The following TARS3 variants were observed in gnomAD, a reference collection of about 807,000 sequenced individuals.
TARS3 encodes threonyl-tRNA synthetase 3.
In TARS3, 94 loss-of-function variants were observed where a neutral mutation model predicts 103.5. That is an observed-to-expected ratio of 0.91 (90% CI 0.77 to 1.08). The LOEUF is 1.08. Ranked by LOEUF, TARS3 falls within the 50% of genes least tolerant of loss-of-function variation. TARS3 has a pLI of 0.00. For synonymous variants in TARS3, 416 were observed against 355.4 expected (o/e 1.17, Z -1.92); for missense variants, 952 against 995.2 (o/e 0.96, Z 0.58).
In TARS3 at chr15:101,663,306, A is replaced by G. The variant is rs541191481; in HGVS notation, c.1968-1490T>C. Among the ~76,000 whole-genome samples the G allele has an allele frequency of 3.9e-5, 6 of 152,340 alleles. No homozygotes were observed. The South Asian group carries it at 1.0e-3, about 26-fold the overall frequency. ...GTCCTGCACCCAAGGAAGCTGAAAA[A>G]TTCCTATCATCTAGTGATCTGTGTT... On this transcript the variant is annotated intron_variant, in intron 15 of 18. Transcript: ENST00000335968.
At chr15:101,682,659 G>T (rs1898302136) in intron 12 of TARS3, among the ~76,000 whole-genome samples, 2 of 152,084 alleles carry the variant, frequency 1.3e-5, no homozygotes, top group South Asian at 2.1e-4. Context: ...GCTTCATGAG[G>T]TGGTGAAGAT....
chr15:101,681,494 G>T (rs1199589764), intron 12 of TARS3, among the ~76,000 whole-genome samples: 1 of 152,204 alleles, frequency 6.6e-6, no homozygotes, highest in Non-Finnish European at 1.5e-5. Flanking sequence ...GTGTATGTAT[G>T]TATTACTCAG....
intron 6 of TARS3, among the ~76,000 whole-genome samples, chr15:101,706,818 T>C (rs1899590362): frequency 1.3e-5 from 2 of 152,238 alleles, no homozygotes; most frequent in Middle Eastern, 3.2e-3. Context: ...GTTTCGTATC[T>C]ATATATTCAC....
At chr15:101,671,872 A>T in intron 13 of TARS3, 124 bp from the exon 14 acceptor site, 1 of 765,584 alleles carries the variant, frequency 1.3e-6, no homozygotes, top group East Asian at 2.7e-5. Context: ...TTTATTGAGC[A>T]TCTTTTACAT....
intron 15 of TARS3, 83 bp from the exon 16 acceptor site, chr15:101,661,899 G>T: frequency 1.2e-6 from 1 of 820,718 alleles, no homozygotes; most frequent in Non-Finnish European, 1.8e-6. Flanking sequence ...TTTGAGAATA[G>T]ATTTAGATTA....
chr15:101,696,524 AC>A (rs1898991272), intron 10 of TARS3, among the ~76,000 whole-genome samples: 2 of 152,336 alleles, frequency 1.3e-5, no homozygotes, highest in Non-Finnish European at 2.9e-5. Context: ...GCAGTTTTAA[AC>A]TATTAAGTTC....
At chr15:101,712,289 C>T (rs770560243) in intron 4 of TARS3, among the ~76,000 whole-genome samples, 1 of 152,098 alleles carries the variant, frequency 6.6e-6, no homozygotes, top group Non-Finnish European at 1.5e-5. Flanking sequence ...ATGTCAGCCA[C>T]GAGAGATGAA....
Position 101,724,287 on chromosome 15 carries a change from T to G in TARS3, c.101A>C (p.Asp34Ala). Residue 34 changes from aspartate (D) to alanine (A), a missense_variant, in exon 1 of 19, where the codon GAC (aspartate) becomes GCC (alanine). Transcript: ENST00000335968. ...GCTGTAGGGCGCGTTCAGCTGCTCG[T>G]CCCTCAGGCGCTCGACCTCCGACCA... ...WLWSEVERLR[D>A]EQLNAPYSCQ... 6.4e-7 allele frequency: 1 copy of G among 1,573,238 alleles called. No homozygotes were observed. Among genetic ancestry groups the G allele is most frequent in the East Asian group, 2.4e-5 (1 of 41,958 alleles).
intron 10 of TARS3, among the ~76,000 whole-genome samples, chr15:101,696,294 C>A (rs553215862): frequency 6.8e-6 from 1 of 147,718 alleles, no homozygotes; most frequent in African/African-American, 2.5e-5. Flanking sequence ...CAAAGTAGTT[C>A]TACCATTTTA....
At position 101,724,111 on chromosome 15, in the gene TARS3, C is replaced by T; in HGVS notation, c.277G>A (p.Ala93Thr). The T allele has an allele frequency of 7.2e-7, 1 of 1,380,694 alleles. No homozygotes were observed. The allele number at this position is 1,380,694 out of a possible 1,614,324, so 85.5% of individuals were successfully genotyped here. The change falls in exon 1 of 19, where the codon GCG becomes ACG. Residue 93 changes from alanine to threonine, a missense_variant. Ala to Thr is a moderately conservative substitution (Grantham distance 58, BLOSUM62 0). Transcript: ENST00000335968. ...ATLESAELEA[A>T]QEAGAQPPPS... Reference sequence around the variant, plus strand: ...GTTACCTGTGCGCCGGCCTCCTGCGCCGCCTCTAGCTCCGCGCTCTCCAGC... The same window carrying T: ...GTTACCTGTGCGCCGGCCTCCTGCGTCGCCTCTAGCTCCGCGCTCTCCAGC...
chr15:101,654,504 A>G lies in TARS3; in HGVS notation c.*78T>C, dbSNP rs774807602. 2 of 1,505,498 alleles carry G rather than the reference A, an allele frequency of 1.3e-6. No individual in the cohort carries two copies. The highest frequency in any genetic ancestry group is 2.1e-5 in the Admixed American group (1 of 47,930). The allele number at this position is 1,505,498 out of a possible 1,614,324, so 93.3% of individuals were successfully genotyped here. On this transcript the variant is annotated 3_prime_UTR_variant, in exon 19 of 19. Transcript: ENST00000335968. ...CCCATCAGTGGCTCCAAAGTCGTAG[A>G]AGTACTAACATGTTAAGAAAAATAC... is the stretch of plus-strand genomic sequence containing the variant.
intron 7 of TARS3, among the ~76,000 whole-genome samples, chr15:101,704,393 A>C (rs12443359): frequency 6.6e-6 from 1 of 151,998 alleles, no homozygotes; most frequent in East Asian, 1.9e-4. Flanking sequence ...GGTGGCTCAC[A>C]CCTGTAATCC....
chr15:101,675,935 T>C (rs1898005218), intron 12 of TARS3, among the ~76,000 whole-genome samples, 198 bp from the exon 13 acceptor site: 1 of 151,608 alleles, frequency 6.6e-6, no homozygotes, highest in Non-Finnish European at 1.5e-5. Flanking sequence ...GGAGAAGGAG[T>C]AGGCGAGGGA....
intron 3 of TARS3, among the ~76,000 whole-genome samples, chr15:101,718,793 T>C (rs778906211): frequency 2.4e-4 from 37 of 152,352 alleles, no homozygotes; most frequent in Non-Finnish European, 5.3e-4. Context: ...ATTACTTTCA[T>C]GTGGAACGGA....
chr15:101,690,593 A>G (rs1450111169), intron 10 of TARS3, among the ~76,000 whole-genome samples: 1 of 152,214 alleles, frequency 6.6e-6, no homozygotes, highest in Non-Finnish European at 1.5e-5. Flanking sequence ...CCAGTTTTCA[A>G]TGGTGAGGTA....
intron 6 of TARS3, among the ~76,000 whole-genome samples, chr15:101,706,019 A>G (rs1899541160): frequency 6.6e-6 from 1 of 152,176 alleles, no homozygotes; most frequent in African/African-American, 2.4e-5. Context: ...GCTAGGGTGC[A>G]GTGCCACCAT....
chr15:101,670,101 T>C (rs1393046307), intron 15 of TARS3, among the ~76,000 whole-genome samples: 2 of 152,204 alleles, frequency 1.3e-5, no homozygotes, highest in African/African-American at 4.8e-5. Context: ...TGGCCTGTAC[T>C]TAGGCAGAGC....
Position 101,654,540 on chromosome 15 carries a change from G to A in TARS3, c.*42C>T. 1 of 1,595,140 alleles carries A rather than the reference G, an allele frequency of 6.3e-7. No individual in the cohort carries two copies. Among genetic ancestry groups the A allele is most frequent in the Non-Finnish European group, 8.5e-7 (1 of 1,173,658 alleles). On this transcript the variant is annotated 3_prime_UTR_variant, in exon 19 of 19. Coordinates refer to ENST00000335968, the MANE Select transcript of TARS3 (RefSeq NM_152334.3). ...TGTTAAGAAAAATACATTTTTAAGGGTCAAAACAAAGTTACACAGAAGCAA... is the reference window on the plus strand; with the variant it reads ...TGTTAAGAAAAATACATTTTTAAGGATCAAAACAAAGTTACACAGAAGCAA...
At chr15:101,707,373 A>G (rs1392757580) in intron 6 of TARS3, among the ~76,000 whole-genome samples, 1 of 152,234 alleles carries the variant, frequency 6.6e-6, no homozygotes, top group Non-Finnish European at 1.5e-5. Context: ...ACTCAAACAG[A>G]ACTTTACACA....
Sources: allele counts gnomAD v4.1 joint callset (sites outside exome capture counted in the v4.1 genomes callset), GRCh38; gene constraint gnomAD v4.1.1; transcripts MANE v1.5; gene names NCBI Gene and HGNC (gene_info 2026-07-23, HGNC 2026-07-21).